The following RIPK1 variants were observed in gnomAD, a reference collection of about 807,000 sequenced individuals.
RIPK1 encodes the protein receptor-interacting serine/threonine-protein kinase 1.
A neutral mutation model predicts 62.4 loss-of-function variants in RIPK1; 27 were observed. That is an observed-to-expected ratio of 0.43 (90% confidence interval 0.32 to 0.60). RIPK1 has a LOEUF of 0.60. Among genes scored for constraint, RIPK1 ranks in the 20% least tolerant of loss-of-function variants. RIPK1 has a pLI of 0.07. For missense variants in RIPK1, 735 were observed against 831.0 expected, an observed-to-expected ratio of 0.88 and a Z score of 1.42; for synonymous variants, 287 against 303.2, an observed-to-expected ratio of 0.95 and a Z score of 0.55.
intron 6 of RIPK1, among the ~76,000 whole-genome samples, chr6:3,089,234 G>T (rs1013792474): frequency 1.3e-5 from 2 of 152,024 alleles, no homozygotes; most frequent in Non-Finnish European, 2.9e-5. Flanking sequence ...TCATAAATTT[G>T]ATGCCAGAGG....
chr6:3,073,902 C>T (rs574095099), intron 1 of RIPK1, among the ~76,000 whole-genome samples: 11 of 152,380 alleles, frequency 7.2e-5, no homozygotes, highest in African/African-American at 2.4e-4. Flanking sequence ...CGTCTTAACA[C>T]CGCTTGCTTC....
At chr6:3,100,709 G>C (rs1017811838) in intron 7 of RIPK1, among the ~76,000 whole-genome samples, 1 of 151,786 alleles carries the variant, frequency 6.6e-6, no homozygotes, top group South Asian at 2.1e-4. Flanking sequence ...TCGTGCCTCA[G>C]CCTCCCGAGT....
chr6:3,112,838 C>A (rs564838140), intron 10 of RIPK1, among the ~76,000 whole-genome samples: 2 of 152,298 alleles, frequency 1.3e-5, no homozygotes, highest in East Asian at 3.9e-4. Flanking sequence ...CACGCCAGGC[C>A]GGGAATGCCC....
At chr6:3,083,051 CCAAA>C in intron 4 of RIPK1, 30 bp from the exon 5 acceptor site, 1 of 1,603,634 alleles carries the variant, frequency 6.2e-7, no homozygotes, top group Non-Finnish European at 8.5e-7. Flanking sequence ...ACGGCCTTCA[CCAAA>C]CAATCCCAGT....
intron 6 of RIPK1, among the ~76,000 whole-genome samples, chr6:3,087,750 A>G (rs377004597): frequency 5.3e-5 from 8 of 151,240 alleles, no homozygotes; most frequent in Admixed American, 1.3e-4. Context: ...CGTGTTAGCC[A>G]GGATGGTCTC....
At chr6:3,074,021 T>C (rs1430417365) in intron 1 of RIPK1, among the ~76,000 whole-genome samples, 5 of 152,258 alleles carry the variant, frequency 3.3e-5, no homozygotes, top group South Asian at 4.1e-4. Context: ...TCAGCATGCA[T>C]ACCATAGCTA....
Position 3,113,426 on chromosome 6 carries a change from T to C in RIPK1, c.*87T>C. 7.8e-7 allele frequency: 1 copy of C among 1,277,388 alleles called. No homozygotes were observed. The highest frequency in any genetic ancestry group is 1.1e-6 in the Non-Finnish European group (1 of 924,912). 79.1% of individuals were successfully genotyped at this position (1,277,388 alleles called of 1,614,324 possible). On this transcript the variant is annotated 3_prime_UTR_variant, in exon 11 of 11. Transcript: ENST00000259808. This position sits in a 1 kb window ranked among gnomAD's most constrained non-coding sequence, Gnocchi z 5.0. Reference sequence around the variant, plus strand: ...GGCTGCCTCAGAGCATTCAGAATTCTGTCCTCACTGATAGGGGTTCTGTGT... The same window carrying C: ...GGCTGCCTCAGAGCATTCAGAATTCCGTCCTCACTGATAGGGGTTCTGTGT...
chr6:3,068,315 G>C (rs1420092977), upstream of RIPK1: 2 of 985,486 alleles, frequency 2.0e-6, no homozygotes, highest in Non-Finnish European at 2.4e-6. Flanking sequence ...CGGAGGTTTC[G>C]GTTTCCTCTT....
chr6:3,064,431 A>G (rs919079268), upstream of RIPK1, among the ~76,000 whole-genome samples: 1 of 152,168 alleles, frequency 6.6e-6, no homozygotes, highest in Non-Finnish European at 1.5e-5. Flanking sequence ...CTGTCTTTCA[A>G]AGTCACTAGT....
At chr6:3,073,219 A>G (rs1262730150) in intron 1 of RIPK1, among the ~76,000 whole-genome samples, 3 of 134,366 alleles carry the variant, frequency 2.2e-5, no homozygotes. Flanking sequence ...ATATGTGTAT[A>G]TATACACACA....
intron 9 of RIPK1, among the ~76,000 whole-genome samples, chr6:3,108,150 G>A (rs2113705884): frequency 6.6e-6 from 1 of 151,950 alleles, no homozygotes; most frequent in South Asian, 2.1e-4. Flanking sequence ...AGAGCTCTTA[G>A]ACCCACTGCT....
chr6:3,102,041 C>G (rs1278998776), intron 7 of RIPK1, among the ~76,000 whole-genome samples: 3 of 152,188 alleles, frequency 2.0e-5, no homozygotes, highest in African/African-American at 7.2e-5. Flanking sequence ...CAATGTATTT[C>G]CTTTGGAGTC....
At chr6:3,082,482 C>G (rs532516603) in intron 4 of RIPK1, among the ~76,000 whole-genome samples, 1 of 152,228 alleles carries the variant, frequency 6.6e-6, no homozygotes, top group Admixed American at 6.5e-5. Context: ...TGTGTCTGAC[C>G]TTGCTATTTT....
rs140998023 is a variant in RIPK1, at chr6:3,109,402, G to A, written c.1577-1401G>A. 2.8e-3 allele frequency among the ~76,000 whole-genome samples: 426 copies of A among 152,218 alleles called. 3 individuals carry two copies. The highest frequency in any genetic ancestry group is 9.4e-3 in the African/African-American group (392 of 41,518). ...ATCTGGTGGGACTGGAGTCTCTGGA[G>A]TGGAGACAGGGAGGAAACAGTGAAA... On this transcript the variant is annotated intron_variant, in intron 9 of 10. Coordinates refer to ENST00000259808, the MANE Select transcript of RIPK1 (RefSeq NM_001354930.2).
rs541021171 is a variant in RIPK1 at position 3,108,747 on chromosome 6, C to T, written c.1577-2056C>T. Among the ~76,000 whole-genome samples, 368 of 152,254 alleles carry T rather than the reference C, an allele frequency of 2.4e-3. 1 individual carries two copies. Among genetic ancestry groups the T allele is most frequent in the African/African-American group, 8.7e-3 (362 of 41,554 alleles). ...GTCACAGGGGTTCCTTGCTAGGATT[C>T]CAAGGACCCCAGTTTCAGCAGCTTC... On this transcript the variant is annotated intron_variant, in intron 9 of 10. Transcript: ENST00000259808.
At chr6:3,112,699 TA>T (rs869135920) in intron 10 of RIPK1, among the ~76,000 whole-genome samples, 1 of 152,070 alleles carries the variant, frequency 6.6e-6, no homozygotes. Context: ...CCCAGCTAAT[TA>T]AAAAAAATTT....
chr6:3,099,629 T>C (rs1760497008), intron 7 of RIPK1, among the ~76,000 whole-genome samples: 1 of 152,236 alleles, frequency 6.6e-6, no homozygotes, highest in East Asian at 1.9e-4. Context: ...AACAACATAC[T>C]TCAGAAAAGA....
At position 3,105,512 on chromosome 6, in the gene RIPK1, C is replaced by T. The variant is rs1349768817; in HGVS notation, c.1037C>T (p.Ser346Phe). Residue 346 changes from serine to phenylalanine, a missense_variant, in exon 9 of 11, where the codon TCC becomes TTC. By Grantham distance (155) the Ser-to-Phe change is radical (BLOSUM62 -2). This residue lies in a region of RIPK1 where 671 missense variants were observed against 726.2 expected (regional missense o/e 0.92). Coordinates refer to ENST00000259808, the MANE Select transcript of RIPK1 (RefSeq NM_001354930.2). This position sits in a 1 kb window ranked among gnomAD's most constrained non-coding sequence, Gnocchi z 4.5. ...ATEQPGSLHS[S>F]QGLGMGPVEE... Reference sequence around the variant, plus strand: ...GAACAGCCTGGTTCACTGCACAGTTCCCAGGGACTTGGGATGGGTCCTGTG... The same window carrying T: ...GAACAGCCTGGTTCACTGCACAGTTTCCAGGGACTTGGGATGGGTCCTGTG... 1 of 1,578,320 alleles carries T rather than the reference C, an allele frequency of 6.3e-7. No homozygotes were observed.
intron 10 of RIPK1, 106 bp from the exon 11 acceptor site, chr6:3,112,947 T>C (rs760982425): frequency 3.5e-5 from 32 of 903,758 alleles, no homozygotes; most frequent in Non-Finnish European, 4.9e-5. Flanking sequence ...TCTTTTTCAC[T>C]GTCTTCTGGT....
Sources: allele counts gnomAD v4.1 joint callset (sites outside exome capture counted in the v4.1 genomes callset), GRCh38; gene constraint gnomAD v4.1.1; regional missense constraint gnomAD v4.1.1; non-coding constraint Gnocchi (gnomAD v3.1); transcripts MANE v1.5; gene names NCBI Gene and HGNC (gene_info 2026-07-23, HGNC 2026-07-21).